The following CADPS2 variants were observed in gnomAD, a reference collection of about 807,000 sequenced individuals.
CADPS2 encodes calcium-dependent secretion activator 2.
In CADPS2, 93 loss-of-function variants were observed where a neutral mutation model predicts 172.5. The observed-to-expected ratio is 0.54, with a 90% CI of 0.46 to 0.64. The LOEUF is 0.64. Ranked by LOEUF, CADPS2 falls within the 30% of genes least tolerant of loss-of-function variation. The pLI, the probability that CADPS2 is intolerant of heterozygous loss-of-function variation, is 0.00. For synonymous variants in CADPS2, 546 were observed against 555.2 expected (o/e 0.98, Z 0.23); for missense variants, 1,420 against 1,565.9 (o/e 0.91, Z 1.57).
intron 1 of CADPS2, among the ~76,000 whole-genome samples, chr7:122,790,397 TAAAA>T (rs71531917): frequency 8.5e-5 from 10 of 117,084 alleles, no homozygotes; most frequent in Admixed American, 8.2e-4. Context: ...ACAGCGTTTC[TAAAA>T]AAAAAAAAAA....
At chr7:122,578,774 C>T (rs964745945) in intron 7 of CADPS2, among the ~76,000 whole-genome samples, 1 of 152,046 alleles carries the variant, frequency 6.6e-6, no homozygotes. Flanking sequence ...TCAGAGAGAA[C>T]AAGGTGGTAA....
chr7:122,803,740 AAGT>A (rs1456223542), intron 1 of CADPS2, among the ~76,000 whole-genome samples: 1 of 152,182 alleles, frequency 6.6e-6, no homozygotes, highest in Non-Finnish European at 1.5e-5. Context: ...TGAAGAAAAC[AAGT>A]ACTTTGCAAC....
intron 7 of CADPS2, among the ~76,000 whole-genome samples, chr7:122,577,672 T>G (rs554531410): frequency 1.8e-4 from 28 of 152,170 alleles, no homozygotes; most frequent in Admixed American, 1.4e-3. Flanking sequence ...TTGGTAAATA[T>G]CTAGGAGTAC....
chr7:122,409,585 T>C (rs1272954903), intron 19 of CADPS2: 1 of 467,324 alleles, frequency 2.1e-6, no homozygotes, highest in Admixed American at 2.4e-5. Context: ...GATGCTATTC[T>C]TAATGAATGT....
chr7:122,791,907 A>G (rs1389488300), intron 1 of CADPS2, among the ~76,000 whole-genome samples: 1 of 152,240 alleles, frequency 6.6e-6, no homozygotes, highest in African/African-American at 2.4e-5. Context: ...AAAATCATCA[A>G]TGGTAAAGAA....
At chr7:122,481,449 C>T (rs1318679946) in intron 11 of CADPS2, among the ~76,000 whole-genome samples, 1 of 151,980 alleles carries the variant, frequency 6.6e-6, no homozygotes, top group African/African-American at 2.4e-5. Context: ...TTGTTAGAAA[C>T]AGATGATAGG....
intron 20 of CADPS2, among the ~76,000 whole-genome samples, chr7:122,402,274 T>G (rs1220081695): frequency 6.6e-6 from 1 of 152,160 alleles, no homozygotes; most frequent in African/African-American, 2.4e-5. Context: ...TCTCTTGTCT[T>G]CCTTAAAAAG....
At chr7:122,451,702 T>A (rs1554534058) in intron 14 of CADPS2, among the ~76,000 whole-genome samples, 1 of 150,898 alleles carries the variant, frequency 6.6e-6, no homozygotes, top group Non-Finnish European at 1.5e-5. Context: ...GGTAAAAGAT[T>A]ATAATAAATA....
At chr7:122,353,378 T>C (rs2038943388) in intron 27 of CADPS2, among the ~76,000 whole-genome samples, 1 of 152,098 alleles carries the variant, frequency 6.6e-6, no homozygotes, top group Non-Finnish European at 1.5e-5. Flanking sequence ...AAGAGAAAGA[T>C]TAGCCATCTC....
intron 2 of CADPS2, among the ~76,000 whole-genome samples, chr7:122,684,975 C>T (rs1247698407): frequency 1.3e-5 from 2 of 152,150 alleles, no homozygotes; most frequent in Non-Finnish European, 2.9e-5. Context: ...CAAAACTTAA[C>T]TAAATTTCCC....
intron 2 of CADPS2, among the ~76,000 whole-genome samples, chr7:122,719,178 T>TG (rs953940425): frequency 4.7e-5 from 7 of 148,622 alleles, no homozygotes; most frequent in Admixed American, 2.0e-4. Flanking sequence ...CCCTGAGGGG[T>TG]GGGACAGCTT....
chr7:122,419,229 C>T (rs2048280474), intron 17 of CADPS2, among the ~76,000 whole-genome samples: 6 of 152,108 alleles, frequency 3.9e-5, no homozygotes, highest in Admixed American at 3.9e-4. Flanking sequence ...TCAATACCCC[C>T]AAATTTTTAA....
chr7:122,501,612 G>A (rs1053955092), intron 9 of CADPS2, among the ~76,000 whole-genome samples: 3 of 151,992 alleles, frequency 2.0e-5, no homozygotes, highest in South Asian at 2.1e-4. Context: ...CACTTTGGGA[G>A]GCCGAGGCAG....
intron 2 of CADPS2, among the ~76,000 whole-genome samples, chr7:122,674,984 A>C (rs752111208): frequency 4.6e-5 from 7 of 152,260 alleles, no homozygotes; most frequent in Non-Finnish European, 7.3e-5. Context: ...GTTTAGTCTC[A>C]CTAGAAATCA....
chr7:122,356,296 G>A (rs1231904461), intron 27 of CADPS2, among the ~76,000 whole-genome samples: 1 of 152,026 alleles, frequency 6.6e-6, no homozygotes, highest in Non-Finnish European at 1.5e-5. Flanking sequence ...CACCTATTGA[G>A]ATATGTCTGA....
At chr7:122,487,584 TA>T (rs1488734484) in intron 11 of CADPS2, among the ~76,000 whole-genome samples, 3 of 152,032 alleles carry the variant, frequency 2.0e-5, no homozygotes, top group Admixed American at 6.6e-5. Context: ...GAAAATATAA[TA>T]AAAAATATAA....
At chr7:122,657,951 C>T (rs1162776141) in intron 3 of CADPS2, among the ~76,000 whole-genome samples, 1 of 152,050 alleles carries the variant, frequency 6.6e-6, no homozygotes, top group Non-Finnish European at 1.5e-5. Context: ...AGTGAACAGG[C>T]AACCTACAGA....
At chr7:122,432,173 G>C (rs2050022275) in intron 17 of CADPS2, among the ~76,000 whole-genome samples, 1 of 152,116 alleles carries the variant, frequency 6.6e-6, no homozygotes, top group Non-Finnish European at 1.5e-5. Flanking sequence ...AATGTGAAGA[G>C]GGCTCTGGTG....
chr7:122,550,443 T>A (rs548025136), intron 8 of CADPS2, among the ~76,000 whole-genome samples: 1 of 152,318 alleles, frequency 6.6e-6, no homozygotes, highest in South Asian at 2.1e-4. Context: ...GTTATATAGT[T>A]ACGAAACTCT....
Sources: gnomAD v4.1 joint callset for allele counts (sites outside exome capture counted in the v4.1 genomes callset) on GRCh38, gnomAD v4.1.1 for gene constraint, MANE v1.5 for transcripts, NCBI Gene and HGNC (gene_info 2026-07-23, HGNC 2026-07-21) for gene names.